SLC4A9: variants seen among roughly 807,000 people sequenced by gnomAD.
SLC4A9 encodes anion exchange protein 4.
In SLC4A9, 102 loss-of-function variants were observed where a neutral mutation model predicts 103.2. That is an observed-to-expected ratio of 0.99 (90% confidence interval 0.84 to 1.17). The LOEUF (loss-of-function observed/expected upper bound fraction) is 1.17, where lower values mean the gene tolerates loss of function less well. Among genes scored for constraint, SLC4A9 ranks in the 50% most tolerant of loss-of-function variants. SLC4A9 has a pLI of 0.00. For missense variants in SLC4A9, 1,091 were observed against 1,193.7 expected (o/e 0.91, Z 1.27); for synonymous variants, 453 against 483.6 (o/e 0.94, Z 0.83).
intron 5 of SLC4A9, 101 bp downstream of exon 5, chr5:140,362,275 G>A: frequency 2.2e-6 from 3 of 1,349,252 alleles, no homozygotes; most frequent in Non-Finnish European, 3.0e-6. Flanking sequence ...TGAGGCTGTG[G>A]GGAGGATGGT....
chr5:140,363,366 C>T lies in SLC4A9; in HGVS notation c.963-73C>T, dbSNP rs2126752668. ...CAAGAGCAGCCGCTAGGGGGCAGGG[C>T]GCCACGAGCTCTGGACCGAGTCGCA... On this transcript the variant is annotated intron_variant, in intron 7 of 21. Coordinates refer to ENST00000506757, the MANE Select transcript of SLC4A9 (RefSeq NM_031467.3). This position sits in a 1 kb window ranked among gnomAD's most constrained non-coding sequence, Gnocchi z 4.5. 5.2e-6 allele frequency: 7 copies of T among 1,353,492 alleles called. No homozygotes were observed. Among genetic ancestry groups the T allele is most frequent in the Non-Finnish European group, 7.1e-6 (7 of 979,352 alleles). 83.8% of individuals were successfully genotyped at this position (1,353,492 alleles called of 1,614,324 possible).
In SLC4A9 at chr5:140,363,150, C is replaced by T. The variant is rs760246907; in HGVS notation, c.962+84C>T. ...CCATTGTTGAGGAGGGGTGGTGTCC[C>T]AGGAAAGAGATAGGGACCTATCTTT... On this transcript the variant is annotated intron_variant, in intron 7 of 21. Transcript: ENST00000506757. This position sits in a 1 kb window ranked among gnomAD's most constrained non-coding sequence, Gnocchi z 4.5. 24 of 1,523,172 alleles carry T rather than the reference C, an allele frequency of 1.6e-5. No individual in the cohort carries two copies. Among genetic ancestry groups the T allele is most frequent in the Non-Finnish European group, 1.9e-5 (21 of 1,132,588 alleles). 94.4% of individuals were successfully genotyped at this position (1,523,172 alleles called of 1,614,324 possible).
At chr5:140,362,610 G>T in intron 6 of SLC4A9, 78 bp downstream of exon 6, 1 of 1,377,694 alleles carries the variant, frequency 7.3e-7, no homozygotes. Context: ...ATACATGCAT[G>T]GGCTCATGTG....
intron 17 of SLC4A9, 124 bp from the exon 18 acceptor site, chr5:140,370,971 A>C (rs1768628497): frequency 1.4e-6 from 1 of 718,766 alleles, no homozygotes; most frequent in African/African-American, 1.8e-5. Context: ...ATGTGAAAGG[A>C]AAGGCAAGGC....
Position 140,364,439 on chromosome 5 carries a change from G to A in SLC4A9, c.1465G>A (p.Ala489Thr). 6.2e-7 allele frequency: 1 copy of A among 1,613,522 alleles called. No homozygotes were observed. Among genetic ancestry groups the A allele is most frequent in the Non-Finnish European group, 8.5e-7 (1 of 1,179,714 alleles). The change falls in exon 11 of 22, where the codon GCC (alanine) becomes ACC (threonine). Residue 489 changes from alanine to threonine, a missense_variant. By Grantham distance (58) the Ala-to-Thr change is moderately conservative. Coordinates refer to ENST00000506757, the MANE Select transcript of SLC4A9 (RefSeq NM_031467.3). ...GGCTACCTTTTGCCTGGTGCTGGTG[G>A]CCACAGAGGCCAGTGTGCTGGTGCG... is the stretch of plus-strand genomic sequence containing the variant. ...WVATFCLVLV[A>T]TEASVLVRYF...
chr5:140,361,839 T>C lies in SLC4A9; in HGVS notation c.537T>C (p.Asn179=). The C allele has an allele frequency of 6.2e-7, 1 of 1,613,992 alleles. No individual in the cohort carries two copies. The highest frequency in any genetic ancestry group is 8.5e-7 in the Non-Finnish European group (1 of 1,179,888). The change falls in exon 4 of 22, where the codon AAT becomes AAC. Residue 179 remains asparagine, a synonymous_variant. Coordinates refer to ENST00000506757, the MANE Select transcript of SLC4A9 (RefSeq NM_031467.3). The part of the protein sequence containing the change: ...GSTHPRKASD[N]EEAPLREQCQ... ...CTCATCCAAGAAAGGCTTCTGACAA[T>C]GAGGAAGCCCCCCTGAGGGAACAGG...
intron 14 of SLC4A9, among the ~76,000 whole-genome samples, chr5:140,366,627 G>A (rs1411123164): frequency 6.6e-6 from 1 of 152,180 alleles, no homozygotes; most frequent in Non-Finnish European, 1.5e-5. Context: ...ATAATAAAAT[G>A]ACAATAGTTC....
chr5:140,363,965 G>T lies in SLC4A9; in HGVS notation c.1254+63G>T. The T allele has an allele frequency of 6.3e-7, 1 of 1,579,576 alleles. No homozygotes were observed. The highest frequency in any genetic ancestry group is 1.2e-5 in the South Asian group (1 of 86,828). ...TCCCCTAGTCCATCCCTTCCCCTGG[G>T]ACTATGGGTAAGTTAAGGAGGCTCT... is the stretch of plus-strand genomic sequence containing the variant. On this transcript the variant is annotated intron_variant, in intron 9 of 21. Transcript: ENST00000506757. The surrounding 1 kb of genome is among the most constrained non-coding windows in gnomAD (Gnocchi z 4.5).
intron 4 of SLC4A9, 67 bp downstream of exon 4, chr5:140,361,930 T>G: frequency 2.5e-6 from 4 of 1,613,124 alleles, no homozygotes; most frequent in East Asian, 2.2e-5. Context: ...AACAAAAGTC[T>G]ACTCTCCACT....
In SLC4A9 at chr5:140,362,144, G is replaced by A; in HGVS notation, c.689G>A (p.Gly230Glu). 1 of 1,560,740 alleles carries A rather than the reference G, an allele frequency of 6.4e-7. No individual in the cohort carries two copies. Among genetic ancestry groups the A allele is most frequent in the Non-Finnish European group, 8.6e-7 (1 of 1,162,150 alleles). ...CGACTGCGGAACCCTGTGGTACTGG[G>A]GTCCCTTACTGAGGTGTCCCTCCCA... is the stretch of plus-strand genomic sequence containing the variant. ...FVRLRNPVVL[G>E]SLTEVSLPSR... The change falls in exon 5 of 22, where the codon GGG becomes GAG. Residue 230 changes from glycine (G) to glutamate (E), a missense_variant. Coordinates refer to ENST00000506757, the MANE Select transcript of SLC4A9 (RefSeq NM_031467.3).
rs746491953 is a variant in SLC4A9 at position 140,367,601 on chromosome 5, G to C, written c.2175+20G>C. ...CTGCAGGTAAGGCCTGCTGGGTAAG[G>C]CCCAAGACCAAGGGACAGAAGCTCC... On this transcript the variant is annotated intron_variant, in intron 15 of 21. Coordinates refer to ENST00000506757, the MANE Select transcript of SLC4A9 (RefSeq NM_031467.3). The C allele has an allele frequency of 6.3e-7, 1 of 1,599,936 alleles. No individual in the cohort carries two copies.
intron 11 of SLC4A9, 113 bp downstream of exon 11, chr5:140,364,738 C>T (rs1014628307): frequency 1.6e-6 from 2 of 1,281,904 alleles, no homozygotes; most frequent in African/African-American, 3.0e-5. Context: ...GCATACTTAC[C>T]CAATAACTGG....
At chr5:140,371,257 T>C (rs1337200880) in intron 18 of SLC4A9, 94 bp downstream of exon 18, 11 of 1,453,084 alleles carry the variant, frequency 7.6e-6, no homozygotes, top group Non-Finnish European at 1.0e-5. Context: ...ACTCCTTTTT[T>C]CTTTTCTGCT....
intron 2 of SLC4A9, 81 bp from the exon 3 acceptor site, chr5:140,361,173 G>T: frequency 3.0e-6 from 4 of 1,338,930 alleles, no homozygotes; most frequent in Non-Finnish European, 4.2e-6. Flanking sequence ...AGAAGGGAAA[G>T]GTGTCTGGGC....
At position 140,362,934 on chromosome 5, in the gene SLC4A9, G is replaced by T. The variant is rs370985420; in HGVS notation, c.830G>T (p.Arg277Leu). ...CAGCAATTCCAGTGGTCAGTTCGTC[G>T]GGCCAGCAACCTTCATGACCTTCTG... is the stretch of plus-strand genomic sequence containing the variant. Reference protein sequence around the residue: ...SDPQFQWSVRRASNLHDLLAA... With the variant: ...SDPQFQWSVRLASNLHDLLAA... Residue 277 changes from arginine to leucine, a missense_variant, in exon 7 of 22, where the codon CGG becomes CTG. By Grantham distance (102) the Arg-to-Leu change is moderately radical (BLOSUM62 -2). Transcript: ENST00000506757. 2.9e-5 allele frequency: 47 copies of T among 1,613,756 alleles called. No homozygotes were observed. In the African/African-American group the frequency reaches 5.6e-4, roughly 19 times the overall value.
At chr5:140,360,532 C>A in intron 1 of SLC4A9, 66 bp downstream of exon 1, 1 of 1,406,966 alleles carries the variant, frequency 7.1e-7, no homozygotes, top group Non-Finnish European at 9.7e-7. Flanking sequence ...TCCTATATGT[C>A]CCCCAGCGCT....
Position 140,363,528 on chromosome 5 carries a change from A to C in SLC4A9, c.1052A>C (p.His351Pro). 6.4e-7 allele frequency: 1 copy of C among 1,552,742 alleles called. No homozygotes were observed. Among genetic ancestry groups the C allele is most frequent in the Non-Finnish European group, 8.7e-7 (1 of 1,147,940 alleles). ...AGGCACCGCCATGGGCCACACGCACACAGCCCGGAGTTGCAGCGGACCGGC... is the reference window on the plus strand; with the variant it reads ...AGGCACCGCCATGGGCCACACGCACCCAGCCCGGAGTTGCAGCGGACCGGC... ...EDRHRHGPHA[H>P]SPELQRTGRL... The change falls in exon 8 of 22, where the codon CAC (histidine) becomes CCC (proline). Residue 351 changes from histidine (H) to proline (P), a missense_variant. By Grantham distance (77) the His-to-Pro change is moderately conservative. Coordinates refer to ENST00000506757, the MANE Select transcript of SLC4A9 (RefSeq NM_031467.3). This position sits in a 1 kb window ranked among gnomAD's most constrained non-coding sequence, Gnocchi z 4.5.
intron 21 of SLC4A9, among the ~76,000 whole-genome samples, chr5:140,374,577 C>T (rs1202087275): frequency 1.6e-5 from 2 of 123,294 alleles, no homozygotes; most frequent in African/African-American, 6.0e-5. Context: ...AAAAAAAAAG[C>T]ACCTAAGGGC....
chr5:140,360,534 C>T, intron 1 of SLC4A9, 68 bp downstream of exon 1: 7 of 1,405,544 alleles, frequency 5.0e-6, no homozygotes, highest in South Asian at 1.3e-5. Flanking sequence ...CTATATGTCC[C>T]CCAGCGCTTC....
Sources: gnomAD v4.1 joint callset for allele counts (sites outside exome capture counted in the v4.1 genomes callset) on GRCh38, gnomAD v4.1.1 for gene constraint, Gnocchi (gnomAD v3.1) non-coding constraint, MANE v1.5 for transcripts, NCBI Gene and HGNC (gene_info 2026-07-23, HGNC 2026-07-21) for gene names.